The following DLG2 variants were observed in gnomAD, a reference collection of about 807,000 sequenced individuals.
The protein encoded by DLG2 is discs large MAGUK scaffold protein 2.
Under a neutral mutation model 132.5 loss-of-function variants are expected in DLG2, and 45 were observed. The observed-to-expected ratio is 0.34, with a 90% CI of 0.27 to 0.44. DLG2 has a LOEUF of 0.44. Among genes scored for constraint, DLG2 ranks in the 20% least tolerant of loss-of-function variants. The pLI is 1.00. For synonymous variants in DLG2, 424 were observed against 419.6 expected, an observed-to-expected ratio of 1.01 and a Z score of -0.13; for missense variants, 1,045 against 1,196.9, an observed-to-expected ratio of 0.87 and a Z score of 1.87.
At chr11:84,961,555 T>C (rs1463697969) in intron 6 of DLG2, among the ~76,000 whole-genome samples, 2 of 151,800 alleles carry the variant, frequency 1.3e-5, no homozygotes, top group African/African-American at 2.4e-5. Context: ...TGTGTGTGTG[T>C]GTGTGTGTGT....
At chr11:84,672,339 T>C (rs1311819384) in intron 6 of DLG2, among the ~76,000 whole-genome samples, 1 of 151,932 alleles carries the variant, frequency 6.6e-6, no homozygotes, top group Non-Finnish European at 1.5e-5. Flanking sequence ...GAAGGTAGGG[T>C]ACGTAGAAGC....
At chr11:84,716,575 A>G (rs2061251778) in intron 6 of DLG2, among the ~76,000 whole-genome samples, 2 of 151,950 alleles carry the variant, frequency 1.3e-5, no homozygotes, top group South Asian at 4.1e-4. Flanking sequence ...GGTAAAGTTG[A>G]TGCCTATTTT....
chr11:85,334,640 T>C (rs1479960535), intron 3 of DLG2, among the ~76,000 whole-genome samples: 1 of 152,140 alleles, frequency 6.6e-6, no homozygotes, highest in East Asian at 1.9e-4. Context: ...TTTTCATTGG[T>C]TCTAAAGAAT....
intron 3 of DLG2, among the ~76,000 whole-genome samples, chr11:85,516,542 A>T (rs913682657): frequency 6.6e-6 from 1 of 152,130 alleles, no homozygotes; most frequent in South Asian, 2.1e-4. Flanking sequence ...AACACTAGCT[A>T]GATTGACCAA....
chr11:84,714,553 C>CTTTCTCTTTCTCTTTCTCTT (rs397956960), intron 6 of DLG2, among the ~76,000 whole-genome samples: 2 of 109,202 alleles, frequency 1.8e-5, no homozygotes, highest in African/African-American at 5.2e-5. Context: ...TTCTCTTTCT[C>CTTTCTCTTTCTCTTTCTCTT]TCTCTTTCTC....
chr11:83,908,357 C>T (rs1204355031), intron 15 of DLG2, among the ~76,000 whole-genome samples: 5 of 151,806 alleles, frequency 3.3e-5, no homozygotes, highest in African/African-American at 1.2e-4. Context: ...ACTATGTTAA[C>T]CTTCCTCTGA....
chr11:83,471,922 C>G lies in DLG2; in HGVS notation c.2345-195G>C, dbSNP rs2092084346. The stretch of plus-strand genomic sequence containing the variant: ...TCAGGAGATTGGCAGTGCCTACTTT[C>G]TGGAATCTACTAGCAGGGAAAGGCA... On this transcript the variant is annotated intron_variant, in intron 23 of 27. Transcript: ENST00000376104. 2.0e-5 allele frequency among the ~76,000 whole-genome samples: 3 copies of G among 152,204 alleles called. No homozygotes were observed. The South Asian group carries it at 6.2e-4, about 32-fold the overall frequency.
rs146968288 is a variant in DLG2 at position 84,801,380 on chromosome 11, T to C, written c.358-266649A>G. Among the ~76,000 whole-genome samples the C allele has an allele frequency of 7.3e-3, 1,112 of 152,190 alleles. 16 individuals are homozygous for C. The highest frequency in any genetic ancestry group is 0.024 in the African/African-American group (1,016 of 41,520). The stretch of plus-strand genomic sequence containing the variant: ...GTCAGGAGATCAAGACCATCCTGGC[T>C]AACACTGTGAAACCCCGTCTCTACT... On this transcript the variant is annotated intron_variant, in intron 6 of 27. Coordinates refer to ENST00000376104, the MANE Select transcript of DLG2 (RefSeq NM_001142699.3).
intron 6 of DLG2, among the ~76,000 whole-genome samples, chr11:84,589,417 ATCAG>A (rs1302789621): frequency 6.6e-6 from 1 of 152,160 alleles, no homozygotes; most frequent in Non-Finnish European, 1.5e-5. Context: ...TAAGGTATTG[ATCAG>A]TCAGTCACTC....
At chr11:85,452,765 A>C (rs1228398345) in intron 3 of DLG2, 2 of 155,060 alleles carry the variant, frequency 1.3e-5, no homozygotes, top group African/African-American at 2.4e-5. Flanking sequence ...TTGTTACTTC[A>C]ACAACCAGAG....
chr11:84,115,977 T>G (rs1159986219), intron 9 of DLG2, among the ~76,000 whole-genome samples: 1 of 152,132 alleles, frequency 6.6e-6, no homozygotes, highest in Non-Finnish European at 1.5e-5. Flanking sequence ...AAGAAATGAG[T>G]GTCTCAATCA....
chr11:84,251,066 A>G (rs2097365694), intron 8 of DLG2, among the ~76,000 whole-genome samples, 172 bp downstream of exon 8: 1 of 152,218 alleles, frequency 6.6e-6, no homozygotes, highest in Non-Finnish European at 1.5e-5. Flanking sequence ...AGAGGGAAAT[A>G]TTTGATGACT....
chr11:85,413,320 T>C (rs2089515922), intron 3 of DLG2, among the ~76,000 whole-genome samples: 1 of 152,120 alleles, frequency 6.6e-6, no homozygotes, highest in African/African-American at 2.4e-5. Context: ...GTCTGATGTA[T>C]AGATTCTGAA....
chr11:83,902,791 A>G (rs905905070), intron 15 of DLG2, among the ~76,000 whole-genome samples: 6 of 152,138 alleles, frequency 3.9e-5, no homozygotes, highest in African/African-American at 1.4e-4. Context: ...CCTGCCCCTG[A>G]GGATAAAAAA....
At chr11:84,282,641 A>G (rs1379759160) in intron 7 of DLG2, among the ~76,000 whole-genome samples, 1 of 152,104 alleles carries the variant, frequency 6.6e-6, no homozygotes, top group Non-Finnish European at 1.5e-5. Context: ...GTCTCCTTGA[A>G]GAGGGGTTGG....
intron 3 of DLG2, among the ~76,000 whole-genome samples, chr11:85,569,919 C>T (rs1274393059): frequency 1.3e-5 from 2 of 152,138 alleles, no homozygotes; most frequent in African/African-American, 2.4e-5. Flanking sequence ...CAAAAAGATA[C>T]ATGCACTCAC....
intron 19 of DLG2, among the ~76,000 whole-genome samples, chr11:83,566,830 A>G (rs1442206504): frequency 6.6e-6 from 1 of 152,018 alleles, no homozygotes; most frequent in Non-Finnish European, 1.5e-5. Context: ...AACATCTCAC[A>G]GTAGGTGTTT....
intron 4 of DLG2, among the ~76,000 whole-genome samples, chr11:85,234,064 T>C (rs186305718): frequency 1.3e-5 from 2 of 152,026 alleles, no homozygotes; most frequent in Non-Finnish European, 2.9e-5. Flanking sequence ...GTAATGAGGA[T>C]GCAGAAATGA....
chr11:85,531,099 C>A (rs1429444936), intron 3 of DLG2, among the ~76,000 whole-genome samples: 2 of 152,172 alleles, frequency 1.3e-5, no homozygotes, highest in African/African-American at 4.8e-5. Flanking sequence ...TTACATTATT[C>A]CCTTTCCTTA....
Sources: gnomAD v4.1 joint callset for allele counts (sites outside exome capture counted in the v4.1 genomes callset) on GRCh38, gnomAD v4.1.1 for gene constraint, MANE v1.5 for transcripts, NCBI Gene and HGNC (gene_info 2026-07-23, HGNC 2026-07-21) for gene names.